The following PCNA variants were observed in gnomAD, a reference collection of about 807,000 sequenced individuals.
PCNA encodes the protein DNA sliding clamp PCNA.
In PCNA, 4 loss-of-function variants were observed where a neutral mutation model predicts 27.8. The ratio of observed to expected loss-of-function variants is 0.14; its 90% confidence interval spans 0.07 to 0.33. The LOEUF (loss-of-function observed/expected upper bound fraction) is 0.33, where lower values mean the gene tolerates loss of function less well. PCNA is among the 10% of genes least tolerant of loss of function. The pLI is 1.00. For missense variants in PCNA, 165 were observed against 327.4 expected (o/e 0.50, Z 3.83); for synonymous variants, 121 against 119.4 (o/e 1.01, Z -0.09).
At chr20:5,115,951 G>A (rs1476463572) in intron 4 of PCNA, among the ~76,000 whole-genome samples, 2 of 151,934 alleles carry the variant, frequency 1.3e-5, no homozygotes, top group Non-Finnish European at 2.9e-5. Flanking sequence ...TCCTACTAGA[G>A]GCACACACCA....
Position 5,119,890 on chromosome 20 carries a change from G to T in PCNA, c.-92C>A. ...TTCAGGAGCCTCAGAGCGAGCGGGCGAACGTCGCGACGACCGGCTGAGACC... is the reference window on the plus strand; with the variant it reads ...TTCAGGAGCCTCAGAGCGAGCGGGCTAACGTCGCGACGACCGGCTGAGACC... On this transcript the variant is annotated 5_prime_UTR_variant, in exon 1 of 6. Coordinates refer to ENST00000379143, the MANE Select transcript of PCNA (RefSeq NM_182649.2). 3 of 987,336 alleles carry T rather than the reference G, an allele frequency of 3.0e-6. No individual in the cohort carries two copies. Among genetic ancestry groups the T allele is most frequent in the Non-Finnish European group, 3.1e-6 (2 of 651,736 alleles). 61.2% of individuals were successfully genotyped at this position (987,336 alleles called of 1,614,324 possible).
rs1244052866 is a variant in PCNA at position 5,117,592 on chromosome 20, T to C, written c.460A>G (p.Ile154Val). 4 of 1,613,772 alleles carry C rather than the reference T, an allele frequency of 2.5e-6. No homozygotes were observed. The highest frequency in any genetic ancestry group is 3.4e-6 in the Non-Finnish European group (4 of 1,179,824). The change falls in exon 4 of 6, where the codon ATT (isoleucine) becomes GTT (valine). Residue 154 changes from isoleucine (I) to valine (V), a missense_variant. By Grantham distance (29) the Ile-to-Val change is conservative. Transcript: ENST00000379143. ...FARICRDLSH[I>V]GDAVVISCAK... Reference sequence around the variant, plus strand: ...CAGGAAATTACAACAGCATCTCCAATATGGCTGAGATCTCGGCATATACGT... The same window carrying C: ...CAGGAAATTACAACAGCATCTCCAACATGGCTGAGATCTCGGCATATACGT...
chr20:5,122,501 T>C (rs2090524378), upstream of PCNA, among the ~76,000 whole-genome samples: 1 of 152,178 alleles, frequency 6.6e-6, no homozygotes, highest in Admixed American at 6.5e-5. Context: ...TTCTATTGTC[T>C]CTGGAATTTC....
rs745669400 is a variant in PCNA, at chr20:5,119,586, G to A, written c.213C>T (p.Asn71=). Residue 71 remains asparagine (N), a synonymous_variant, in exon 1 of 6, where the codon AAC becomes AAT. Transcript: ENST00000379143. ...GGGGCCGCGAGGCTCACCTGGTGAG[G>A]TTCACGCCCATGGCCAGGTTGCGGT... The part of the protein sequence containing the change: ...RCDRNLAMGV[N]LTSMSKILKC... 2.4e-5 allele frequency: 39 copies of A among 1,611,790 alleles called. 1 individual carries two copies. The East Asian group carries it at 6.2e-4, about 26-fold the overall frequency.
intron 3 of PCNA, 58 bp downstream of exon 3, chr20:5,118,552 A>G: frequency 3.3e-6 from 4 of 1,224,856 alleles, no homozygotes; most frequent in Non-Finnish European, 3.6e-6. Context: ...CAAACATTCT[A>G]TGACATAACT....
rs751963812 is a variant in PCNA at position 5,115,281 on chromosome 20, G to A, written c.*2C>T. The A allele has an allele frequency of 8.1e-6, 13 of 1,608,726 alleles. No homozygotes were observed. The highest frequency in any genetic ancestry group is 6.7e-5 in the African/African-American group (5 of 74,802). On this transcript the variant is annotated 3_prime_UTR_variant, in exon 6 of 6. Coordinates refer to ENST00000379143, the MANE Select transcript of PCNA (RefSeq NM_182649.2). ...TTTTATTTTCTTGAATTTTAAGAAT[G>A]CCTAAGATCCTTCTTCATCCTCGAT...
At chr20:5,125,868 G>T (rs2090544399) in intron 1 of PCNA, among the ~76,000 whole-genome samples, 1 of 152,178 alleles carries the variant, frequency 6.6e-6, no homozygotes, top group Admixed American at 6.5e-5. Flanking sequence ...CATAGAGGAT[G>T]CACAGTAAAC....
At chr20:5,120,159 C>T (rs2090508972), upstream of PCNA, 1 of 264,002 alleles carries the variant, frequency 3.8e-6, no homozygotes, top group African/African-American at 2.2e-5. Context: ...CTCTTTGACT[C>T]CTGAACCCGG....
chr20:5,119,318 C>T (rs554475427), intron 1 of PCNA, among the ~76,000 whole-genome samples: 81 of 152,304 alleles, frequency 5.3e-4, no homozygotes, highest in African/African-American at 1.8e-3. Context: ...AACAGTGTTC[C>T]TGGCACTGCG....
rs769262502 is a variant in PCNA at position 5,117,487 on chromosome 20, C to T, written c.565G>A (p.Asp189Asn). The T allele has an allele frequency of 4.3e-6, 7 of 1,611,456 alleles. No individual in the cohort carries two copies. The highest frequency in any genetic ancestry group is 5.9e-6 in the Non-Finnish European group (7 of 1,178,664). Residue 189 changes from aspartate (D) to asparagine (N), a missense_variant, in exon 4 of 6, where the codon GAT becomes AAT. Transcript: ENST00000379143. ...NIKLSQTSNV[D>N]KEEEAVTIEM... ...CTACTTACAGCTTCCTCCTCTTTAT[C>T]GACATTACTTGTCTGTGACAATTTA...
At chr20:5,119,097 CCTGCCACTAAGTAGGATGACAGG>C (rs2090497213) in intron 1 of PCNA, among the ~76,000 whole-genome samples, 1 of 152,076 alleles carries the variant, frequency 6.6e-6, no homozygotes, top group Admixed American at 6.6e-5. Context: ...GAAACAATCT[CCTGCCACTAAGTAGGATGACAGG>C]CTGCCACATT....
At chr20:5,120,470 T>G (rs2090511551), upstream of PCNA, among the ~76,000 whole-genome samples, 1 of 152,202 alleles carries the variant, frequency 6.6e-6, no homozygotes, top group Non-Finnish European at 1.5e-5. Flanking sequence ...CCTCTTAACA[T>G]TCCCCCGCCA....
At chr20:5,122,653 T>C (rs1189912587), upstream of PCNA, among the ~76,000 whole-genome samples, 2 of 152,202 alleles carry the variant, frequency 1.3e-5, no homozygotes, top group Non-Finnish European at 2.9e-5. Flanking sequence ...CTTTCTTGGG[T>C]CCGTTAAAAT....
intron 3 of PCNA, 110 bp from the exon 4 acceptor site, chr20:5,117,774 A>G: frequency 1.6e-6 from 1 of 630,152 alleles, no homozygotes; most frequent in Non-Finnish European, 2.8e-6. Flanking sequence ...ATATTTTCTG[A>G]TTACTTTAAA....
At chr20:5,125,339 T>C (rs1390431607) in intron 1 of PCNA, among the ~76,000 whole-genome samples, 2 of 152,028 alleles carry the variant, frequency 1.3e-5, no homozygotes, top group African/African-American at 4.8e-5. Context: ...TAGGAAATTT[T>C]AGCCAGGCAT....
chr20:5,116,416 G>A (rs1032272992), intron 4 of PCNA, among the ~76,000 whole-genome samples: 7 of 151,978 alleles, frequency 4.6e-5, no homozygotes, highest in Admixed American at 1.3e-4. Flanking sequence ...TCAGCTCCTA[G>A]ACTTTATTAA....
At position 5,118,875 on chromosome 20, in the gene PCNA, C is replaced by T. The variant is rs776647579; in HGVS notation, c.222-9G>A. On this transcript the variant is annotated splice_polypyrimidine_tract_variant and intron_variant, in intron 1 of 5. Transcript: ENST00000379143. ...TTAGTATTTTGGACATACTAGAAGACAGGAGACACATGCTTTAAAATCAAC... is the reference window on the plus strand; with the variant it reads ...TTAGTATTTTGGACATACTAGAAGATAGGAGACACATGCTTTAAAATCAAC... 5.7e-6 allele frequency: 9 copies of T among 1,574,774 alleles called. No homozygotes were observed. In the Middle Eastern group the frequency reaches 6.7e-4, roughly 117 times the overall value.
At chr20:5,123,892 G>T (rs2090531001), upstream of PCNA, among the ~76,000 whole-genome samples, 1 of 152,112 alleles carries the variant, frequency 6.6e-6, no homozygotes, top group Non-Finnish European at 1.5e-5. Flanking sequence ...ACTTCAGTAT[G>T]CCTCAAAGGA....
chr20:5,118,964 GCCGTC>G, intron 1 of PCNA, 98 bp from the exon 2 acceptor site: 1 of 773,430 alleles, frequency 1.3e-6, no homozygotes, highest in Admixed American at 2.1e-5. Context: ...CACCCATCAG[GCCGTC>G]TCAGAACTGG....
Sources: allele counts gnomAD v4.1 joint callset (sites outside exome capture counted in the v4.1 genomes callset), GRCh38; gene constraint gnomAD v4.1.1; transcripts MANE v1.5; gene names NCBI Gene and HGNC (gene_info 2026-07-23, HGNC 2026-07-21).